The following ETV6 variants were observed in gnomAD, a reference collection of about 807,000 sequenced individuals.
ETV6 encodes the protein transcription factor ETV6.
Under a neutral mutation model 51.1 loss-of-function variants are expected in ETV6, and 16 were observed. That is an observed-to-expected ratio of 0.31 (90% CI 0.21 to 0.48). The LOEUF (loss-of-function observed/expected upper bound fraction) is 0.48. ETV6 is among the 20% of genes least tolerant of loss of function. The pLI is 0.99. For synonymous variants in ETV6, 240 were observed against 224.1 expected, an observed-to-expected ratio of 1.07 and a Z score of -0.64; for missense variants, 458 against 594.8, an observed-to-expected ratio of 0.77 and a Z score of 2.39.
At chr12:11,716,329 TCAA>T (rs1286465670) in intron 1 of ETV6, among the ~76,000 whole-genome samples, 2 of 44,996 alleles carry the variant, frequency 4.4e-5, no homozygotes, top group Non-Finnish European at 7.2e-5. Flanking sequence ...AGACTCCTTC[TCAA>T]AAAAAAAAAA....
rs1393508675 is a variant in ETV6, at chr12:11,806,862, C to T, written c.164-32278C>T. On this transcript the variant is annotated intron_variant, in intron 2 of 7. Transcript: ENST00000396373. ...GCACCAAAAATCCTGCGGAGCTCAA[C>T]TCTGTGACCTCACCCTTTGAGCCTG... 3.3e-5 allele frequency among the ~76,000 whole-genome samples: 5 copies of T among 152,356 alleles called. No individual in the cohort carries two copies. In the East Asian group the frequency reaches 5.8e-4, roughly 18 times the overall value.
At chr12:11,804,253 C>G (rs1945794395) in intron 2 of ETV6, among the ~76,000 whole-genome samples, 1 of 152,192 alleles carries the variant, frequency 6.6e-6, no homozygotes, top group African/African-American at 2.4e-5. Context: ...GCACATTGCC[C>G]ACACAGCATC....
At chr12:11,746,790 CTTTTTTTTTTT>C (rs56135545) in intron 1 of ETV6, among the ~76,000 whole-genome samples, 1 of 118,682 alleles carries the variant, frequency 8.4e-6, no homozygotes, top group African/African-American at 3.1e-5. Context: ...CTCTCTCTCT[CTTTTTTTTTTT>C]TTTTTTTTTT....
At chr12:11,771,580 A>G (rs1042140319) in intron 2 of ETV6, among the ~76,000 whole-genome samples, 4 of 152,182 alleles carry the variant, frequency 2.6e-5, no homozygotes, top group Non-Finnish European at 4.4e-5. Flanking sequence ...CATGGCGCCA[A>G]TGACAACTCT....
At chr12:11,667,122 G>A (rs990865108) in intron 1 of ETV6, among the ~76,000 whole-genome samples, 7 of 152,208 alleles carry the variant, frequency 4.6e-5, no homozygotes, top group South Asian at 2.1e-4. Flanking sequence ...AACACTCAGC[G>A]TACACACCTC....
chr12:11,838,470 C>G (rs1946346137), intron 2 of ETV6, among the ~76,000 whole-genome samples: 1 of 152,214 alleles, frequency 6.6e-6, no homozygotes, highest in African/African-American at 2.4e-5. Flanking sequence ...TACCACCCCA[C>G]CAGGAAGCTC....
chr12:11,856,600 G>A (rs551242016), intron 4 of ETV6, among the ~76,000 whole-genome samples: 1 of 152,224 alleles, frequency 6.6e-6, no homozygotes, highest in East Asian at 1.9e-4. Context: ...GCTATATGGT[G>A]CCCTTGATGA....
At chr12:11,734,655 G>A (rs1446396656) in intron 1 of ETV6, among the ~76,000 whole-genome samples, 1 of 152,088 alleles carries the variant, frequency 6.6e-6, no homozygotes, top group Non-Finnish European at 1.5e-5. Flanking sequence ...TATGCTCCAG[G>A]CACTATGCAA....
At chr12:11,666,443 G>A (rs921599387) in intron 1 of ETV6, among the ~76,000 whole-genome samples, 4 of 152,158 alleles carry the variant, frequency 2.6e-5, no homozygotes, top group African/African-American at 9.7e-5. Context: ...TCTTACGGAT[G>A]GTAGGACAGC....
intron 1 of ETV6, among the ~76,000 whole-genome samples, chr12:11,681,407 C>A (rs1403729526): frequency 6.6e-6 from 1 of 152,058 alleles, no homozygotes; most frequent in Non-Finnish European, 1.5e-5. Flanking sequence ...CAGTGACTTC[C>A]ATGGAATGAT....
intron 2 of ETV6, among the ~76,000 whole-genome samples, chr12:11,793,265 TTC>T (rs1945630750): frequency 2.0e-5 from 3 of 152,162 alleles, no homozygotes; most frequent in Admixed American, 6.5e-5. Flanking sequence ...TTTGAGAAGT[TTC>T]TGTTATTACC....
At chr12:11,865,711 A>G (rs1946782258) in intron 4 of ETV6, among the ~76,000 whole-genome samples, 1 of 148,996 alleles carries the variant, frequency 6.7e-6, no homozygotes, top group African/African-American at 2.4e-5. Context: ...GTGTATATAT[A>G]TACTATATAT....
chr12:11,879,926 G>A (rs149996016), intron 5 of ETV6, among the ~76,000 whole-genome samples: 11 of 151,446 alleles, frequency 7.3e-5, no homozygotes, highest in East Asian at 1.9e-4. Context: ...CAGGTGAGCC[G>A]TGGCAACAAC....
At chr12:11,888,500 A>G (rs1164629030) in intron 7 of ETV6, among the ~76,000 whole-genome samples, 1 of 149,986 alleles carries the variant, frequency 6.7e-6, no homozygotes, top group Non-Finnish European at 1.5e-5. Flanking sequence ...AATTTAAGCA[A>G]TTCTCATAAT....
At chr12:11,819,707 G>A (rs963927032) in intron 2 of ETV6, among the ~76,000 whole-genome samples, 1 of 152,158 alleles carries the variant, frequency 6.6e-6, no homozygotes, top group South Asian at 2.1e-4. Context: ...AATCTCTTAA[G>A]TTCCATCAAT....
At chr12:11,856,033 G>A (rs1455316072) in intron 4 of ETV6, among the ~76,000 whole-genome samples, 7 of 151,922 alleles carry the variant, frequency 4.6e-5, no homozygotes, top group African/African-American at 1.7e-4. Context: ...ATCTCATTTG[G>A]AATTTAGCCC....
intron 2 of ETV6, among the ~76,000 whole-genome samples, chr12:11,782,476 G>GT (rs1945427365): frequency 6.6e-6 from 1 of 152,098 alleles, no homozygotes; most frequent in Non-Finnish European, 1.5e-5. Context: ...GAGACAGTGT[G>GT]TTTTTTATTT....
rs373393096 is a variant in ETV6, at chr12:11,874,652, A to C, written c.1009+4683A>C. 1.9e-3 allele frequency among the ~76,000 whole-genome samples: 17 copies of C among 8,812 alleles called. 8 individuals carry two copies. The highest frequency in any genetic ancestry group is 3.1e-3 in the Non-Finnish European group (13 of 4,186). 5.8% of individuals were successfully genotyped at this position (8,812 alleles called of 152,430 possible). A position where few individuals can be genotyped will look rare whatever the true frequency, so the allele number is the denominator to read the frequency against. ...TGTATGTGTGTGTGTATATACACAT[A>C]TGTGTGTATATGTATATATGTGTGT... On this transcript the variant is annotated intron_variant, in intron 5 of 7. Coordinates refer to ENST00000396373, the MANE Select transcript of ETV6 (RefSeq NM_001987.5).
chr12:11,724,186 G>C (rs1488363323), intron 1 of ETV6, among the ~76,000 whole-genome samples: 1 of 152,208 alleles, frequency 6.6e-6, no homozygotes, highest in Non-Finnish European at 1.5e-5. Flanking sequence ...TACTCTTGCA[G>C]CTCAGGTTTC....
Sources: gnomAD v4.1 joint callset for allele counts (sites outside exome capture counted in the v4.1 genomes callset) on GRCh38, gnomAD v4.1.1 for gene constraint, MANE v1.5 for transcripts, NCBI Gene and HGNC (gene_info 2026-07-23, HGNC 2026-07-21) for gene names.